KCNH7: variants seen among roughly 807,000 people sequenced by gnomAD.
KCNH7 encodes the protein voltage-gated inwardly rectifying potassium channel KCNH7.
KCNH7 carries 49 observed loss-of-function variants against 120.8 expected under a neutral mutation model. That is an observed-to-expected ratio of 0.41 (90% CI 0.32 to 0.51). KCNH7 has a LOEUF of 0.51. KCNH7 is among the 20% of genes least tolerant of loss of function. KCNH7 has a pLI of 0.38. For synonymous variants in KCNH7, 547 were observed against 516.1 expected, an observed-to-expected ratio of 1.06 and a Z score of -0.81; for missense variants, 1,097 against 1,446.6, an observed-to-expected ratio of 0.76 and a Z score of 3.92.
rs544176325 is a variant in KCNH7, at chr2:162,446,528, A to G, written c.1129-85T>C. 5 of 946,584 alleles carry G rather than the reference A, an allele frequency of 5.3e-6. No homozygotes were observed. In the East Asian group the frequency reaches 1.3e-4, roughly 25 times the overall value. The allele number at this position is 946,584 out of a possible 1,614,324, so 58.6% of individuals were successfully genotyped here. A position where few individuals can be genotyped will look rare whatever the true frequency, so the allele number is the denominator to read the frequency against. On this transcript the variant is annotated intron_variant, in intron 6 of 15. Transcript: ENST00000332142. ...CTATCAAATATTAAGGGAACTAATT[A>G]TACAGTAAAATTTATTAGAGAGAAT...
At chr2:162,454,851 G>GT (rs1688904322) in intron 6 of KCNH7, among the ~76,000 whole-genome samples, 1 of 151,996 alleles carries the variant, frequency 6.6e-6, no homozygotes, top group South Asian at 2.1e-4. Context: ...AGAAGATGGG[G>GT]TTTTCTAAAT....
chr2:162,792,590 T>C (rs1683987336), intron 2 of KCNH7, among the ~76,000 whole-genome samples: 1 of 152,032 alleles, frequency 6.6e-6, no homozygotes, highest in Non-Finnish European at 1.5e-5. Flanking sequence ...TAATATTATC[T>C]GGTGGTTGTT....
intron 6 of KCNH7, among the ~76,000 whole-genome samples, chr2:162,457,924 T>C (rs890224913): frequency 6.6e-6 from 1 of 152,140 alleles, no homozygotes; most frequent in African/African-American, 2.4e-5. Context: ...AGCAATCTCA[T>C]TGATGATTAC....
At chr2:162,745,534 A>C (rs1276899385) in intron 2 of KCNH7, among the ~76,000 whole-genome samples, 4 of 152,164 alleles carry the variant, frequency 2.6e-5, no homozygotes, top group African/African-American at 9.7e-5. Context: ...TTTCAATAAC[A>C]ATTTCCTTTA....
At position 162,720,326 on chromosome 2, in the gene KCNH7, G is replaced by C. The variant is rs967539870; in HGVS notation, c.307+116211C>G. ...AAAAAAAAAAAAAAAAAAAAAAAGA[G>C]AGAGAGAGGGAGAGAGAGAAAAAGG... On this transcript the variant is annotated intron_variant, in intron 2 of 15. Coordinates refer to ENST00000332142, the MANE Select transcript of KCNH7 (RefSeq NM_033272.4). 1.5e-4 allele frequency among the ~76,000 whole-genome samples: 22 copies of C among 147,070 alleles called. No homozygotes were observed. The South Asian group carries it at 4.3e-3, about 29-fold the overall frequency.
intron 10 of KCNH7, among the ~76,000 whole-genome samples, chr2:162,397,844 T>G (rs1375127788): frequency 6.6e-6 from 1 of 151,864 alleles, no homozygotes; most frequent in Admixed American, 6.6e-5. Context: ...ATTAAAGAGA[T>G]AAACTGATTA....
At chr2:162,626,133 C>A (rs1293773183) in intron 2 of KCNH7, among the ~76,000 whole-genome samples, 21 of 152,032 alleles carry the variant, frequency 1.4e-4, no homozygotes, top group Admixed American at 1.4e-3. Flanking sequence ...TAAATATGTA[C>A]TATTTTTATG....
At chr2:162,747,298 G>A (rs1688349437) in intron 2 of KCNH7, among the ~76,000 whole-genome samples, 1 of 152,056 alleles carries the variant, frequency 6.6e-6, no homozygotes, top group Non-Finnish European at 1.5e-5. Flanking sequence ...AGGTTTTGAG[G>A]GTTTAACAAC....
intron 2 of KCNH7, among the ~76,000 whole-genome samples, chr2:162,774,376 G>C (rs1345720304): frequency 1.3e-5 from 2 of 152,172 alleles, no homozygotes; most frequent in East Asian, 3.9e-4. Flanking sequence ...AGGGAAGGGA[G>C]AGAAAGAAGG....
intron 2 of KCNH7, among the ~76,000 whole-genome samples, chr2:162,695,466 A>C (rs754497206): frequency 1.8e-4 from 28 of 152,084 alleles, no homozygotes; most frequent in Non-Finnish European, 3.7e-4. Context: ...ATTTCTGTGA[A>C]CTCCAAAATG....
At chr2:162,542,441 C>A (rs545721312) in intron 2 of KCNH7, among the ~76,000 whole-genome samples, 2 of 137,004 alleles carry the variant, frequency 1.5e-5, no homozygotes, top group South Asian at 2.5e-4. Context: ...TGATGTTCCC[C>A]TTCCTGTGTC....
chr2:162,794,763 T>C (rs1022038892), intron 2 of KCNH7, among the ~76,000 whole-genome samples: 1 of 152,008 alleles, frequency 6.6e-6, no homozygotes, highest in Non-Finnish European at 1.5e-5. Flanking sequence ...TTCCCATTAG[T>C]AATATACGAC....
At position 162,435,219 on chromosome 2, in the gene KCNH7, T is replaced by C; in HGVS notation, c.1933A>G (p.Ile645Val). 1 of 1,613,094 alleles carries C rather than the reference T, an allele frequency of 6.2e-7. No homozygotes were observed. Among genetic ancestry groups the C allele is most frequent in the South Asian group, 1.1e-5 (1 of 91,022 alleles). The stretch of plus-strand genomic sequence containing the variant: ...TTACAGCCAATCAACATGACACAAA[T>C]TGAAAAGATTTTCTCCGAATTCGTG... The part of the protein sequence containing the change: ...PNTNSEKIFS[I>V]CVMLIGSLMY... The change falls in exon 8 of 16, where the codon ATT becomes GTT. Residue 645 changes from isoleucine to valine, a missense_variant. This residue lies in a region of KCNH7 where 24 missense variants were observed against 105.8 expected (regional missense o/e 0.23). Transcript: ENST00000332142.
chr2:162,797,069 T>C (rs1476064555), intron 2 of KCNH7: 1 of 152,066 alleles, frequency 6.6e-6, no homozygotes, highest in Non-Finnish European at 1.5e-5. Context: ...AACAAGTACA[T>C]AACTCACTTT....
chr2:162,579,703 C>A (rs1693810184), intron 2 of KCNH7, among the ~76,000 whole-genome samples: 1 of 151,958 alleles, frequency 6.6e-6, no homozygotes, highest in Admixed American at 6.6e-5. Context: ...ATGTAACAAG[C>A]CTTTCCGAAA....
intron 2 of KCNH7, among the ~76,000 whole-genome samples, chr2:162,775,498 T>C (rs1002858315): frequency 3.3e-5 from 5 of 152,032 alleles, no homozygotes; most frequent in Admixed American, 6.6e-5. Flanking sequence ...AGAGTAGCCA[T>C]CACATTTAAA....
At chr2:162,681,795 G>T (rs1163861898) in intron 2 of KCNH7, among the ~76,000 whole-genome samples, 1 of 149,834 alleles carries the variant, frequency 6.7e-6, no homozygotes, top group Non-Finnish European at 1.5e-5. Flanking sequence ...TTCAAGTCAA[G>T]ACTTGGGGTC....
intron 2 of KCNH7, among the ~76,000 whole-genome samples, chr2:162,834,770 G>A (rs957405541): frequency 5.3e-5 from 8 of 152,182 alleles, no homozygotes; most frequent in South Asian, 2.1e-4. Flanking sequence ...GCCACTTGCG[G>A]TGTAATAGAT....
At chr2:162,557,422 A>G (rs1278990312) in intron 2 of KCNH7, among the ~76,000 whole-genome samples, 1 of 152,146 alleles carries the variant, frequency 6.6e-6, no homozygotes, top group African/African-American at 2.4e-5. Flanking sequence ...CTTCTTCCAT[A>G]TTCTATTGGT....
Sources: gnomAD v4.1 joint callset for allele counts (sites outside exome capture counted in the v4.1 genomes callset) on GRCh38, gnomAD v4.1.1 for gene constraint, gnomAD v4.1.1 regional missense constraint, MANE v1.5 for transcripts, NCBI Gene and HGNC (gene_info 2026-07-23, HGNC 2026-07-21) for gene names.